SOBP: variants seen among roughly 807,000 people sequenced by gnomAD.
SOBP encodes sine oculis binding protein homolog.
A neutral mutation model predicts 53.6 loss-of-function variants in SOBP; 4 were observed. The observed-to-expected ratio is 0.07, with a 90% confidence interval of 0.04 to 0.17. SOBP has a LOEUF of 0.17. SOBP is among the 10% of genes least tolerant of loss of function. The pLI is 1.00. For synonymous variants in SOBP, 584 were observed against 522.6 expected, an observed-to-expected ratio of 1.12 and a Z score of -1.60; for missense variants, 1,088 against 1,204.7, an observed-to-expected ratio of 0.90 and a Z score of 1.43.
At chr6:107,617,364 G>A (rs970688082) in intron 5 of SOBP, among the ~76,000 whole-genome samples, 4 of 152,162 alleles carry the variant, frequency 2.6e-5, no homozygotes, top group African/African-American at 9.7e-5. Context: ...CATGAGGAAT[G>A]TGTGAGTGTG....
intron 4 of SOBP, among the ~76,000 whole-genome samples, chr6:107,568,976 G>A (rs933805873): frequency 2.0e-5 from 3 of 152,186 alleles, no homozygotes. Context: ...GATTGGAAGT[G>A]AGAAAGAATT....
At chr6:107,606,653 C>T (rs1313790039) in intron 5 of SOBP, among the ~76,000 whole-genome samples, 2 of 152,124 alleles carry the variant, frequency 1.3e-5, no homozygotes, top group Non-Finnish European at 2.9e-5. Flanking sequence ...GTTTAATCCC[C>T]GGAAGGAAAA....
intron 6 of SOBP, among the ~76,000 whole-genome samples, chr6:107,644,702 A>T (rs1437400035): frequency 6.6e-6 from 1 of 152,212 alleles, no homozygotes; most frequent in South Asian, 2.1e-4. Flanking sequence ...TTGGACATCT[A>T]ATAGCTCTTA....
At chr6:107,648,868 A>T (rs976331720) in intron 6 of SOBP, among the ~76,000 whole-genome samples, 3 of 152,190 alleles carry the variant, frequency 2.0e-5, no homozygotes, top group African/African-American at 7.2e-5. Flanking sequence ...GTATATAAAA[A>T]TGCCTGGTGC....
chr6:107,570,015 T>C (rs919775210), intron 4 of SOBP, among the ~76,000 whole-genome samples: 1 of 152,184 alleles, frequency 6.6e-6, no homozygotes, highest in Non-Finnish European at 1.5e-5. Flanking sequence ...AGGGTCTCAG[T>C]TGCCCTTCCA....
intron 5 of SOBP, among the ~76,000 whole-genome samples, chr6:107,604,786 C>A (rs1786310202): frequency 6.6e-6 from 1 of 152,196 alleles, no homozygotes. Flanking sequence ...CAAATTGTGT[C>A]AGCACCTTGG....
At chr6:107,579,619 G>A (rs1208562692) in intron 4 of SOBP, among the ~76,000 whole-genome samples, 7 of 152,138 alleles carry the variant, frequency 4.6e-5, no homozygotes, top group Non-Finnish European at 7.4e-5. Flanking sequence ...AGTAAAGGCA[G>A]CCATTAATCA....
rs747900786 is a variant in SOBP at position 107,634,383 on chromosome 6, G to A, written c.1539G>A (p.Ser513=). Residue 513 remains serine, a synonymous_variant, in exon 6 of 7, where the codon TCG becomes TCA. Transcript: ENST00000317357. This position sits in a 1 kb window ranked among gnomAD's most constrained non-coding sequence, Gnocchi z 4.5. ...VPQMMNFGLP[S]LAPLVPPPTL... Reference sequence around the variant, plus strand: ...AGATGATGAATTTCGGGCTGCCGTCGCTTGCCCCGCTGGTGCCGCCCCCGA... The same window carrying A: ...AGATGATGAATTTCGGGCTGCCGTCACTTGCCCCGCTGGTGCCGCCCCCGA... The A allele has an allele frequency of 1.9e-6, 3 of 1,597,252 alleles. No individual in the cohort carries two copies. Among genetic ancestry groups the A allele is most frequent in the Admixed American group, 3.4e-5 (2 of 59,586 alleles).
At chr6:107,651,158 T>C (rs1297239239) in intron 6 of SOBP, among the ~76,000 whole-genome samples, 1 of 152,132 alleles carries the variant, frequency 6.6e-6, no homozygotes, top group East Asian at 1.9e-4. Context: ...TCCCAATTAC[T>C]CAGGAGGCTG....
chr6:107,585,035 G>A (rs1785523776), intron 4 of SOBP, among the ~76,000 whole-genome samples: 2 of 152,216 alleles, frequency 1.3e-5, no homozygotes, highest in Admixed American at 6.5e-5. Context: ...TATATGCAAA[G>A]TGTGTTTCCA....
Position 107,533,527 on chromosome 6 carries a change from C to G in SOBP, c.490C>G (p.Leu164Val). ...CQKVGIKRYS[L>V]SMGSEVKSFC... ...GAAAGTGGGAATCAAGCGCTATTCC[C>G]TGAGTATGGGAAGTGAGGTGAAAAG... The change falls in exon 4 of 7, where the codon CTG (leucine) becomes GTG (valine). Residue 164 changes from leucine (L) to valine (V), a missense_variant. Around this residue, in one of 6 missense-constraint regions of SOBP, gnomAD observed 55 missense variants for 134.3 expected, o/e 0.41. Coordinates refer to ENST00000317357, the MANE Select transcript of SOBP (RefSeq NM_018013.4). The G allele has an allele frequency of 6.2e-7, 1 of 1,614,054 alleles. No homozygotes were observed. The highest frequency in any genetic ancestry group is 8.5e-7 in the Non-Finnish European group (1 of 1,179,982).
At chr6:107,491,754 GAA>G (rs1333204767) in intron 1 of SOBP, among the ~76,000 whole-genome samples, 1 of 152,194 alleles carries the variant, frequency 6.6e-6, no homozygotes, top group Non-Finnish European at 1.5e-5. Context: ...TCTTCTGCAT[GAA>G]ATCCTTAATA....
chr6:107,611,967 C>A (rs1786616167), intron 5 of SOBP, among the ~76,000 whole-genome samples: 2 of 152,182 alleles, frequency 1.3e-5, no homozygotes, highest in Admixed American at 1.3e-4. Context: ...ATCCTCTATA[C>A]CTTTCATGAA....
chr6:107,556,420 T>TA (rs1287645764), intron 4 of SOBP, among the ~76,000 whole-genome samples: 1 of 152,230 alleles, frequency 6.6e-6, no homozygotes, highest in Non-Finnish European at 1.5e-5. Context: ...CAAATCAGCT[T>TA]ACCTGAAATC....
intron 6 of SOBP, among the ~76,000 whole-genome samples, chr6:107,644,454 A>G (rs1255338322): frequency 3.9e-5 from 6 of 152,236 alleles, no homozygotes; most frequent in African/African-American, 1.2e-4. Context: ...GCCTTCAGCC[A>G]TCTTGGAAGC....
intron 4 of SOBP, among the ~76,000 whole-genome samples, chr6:107,535,030 T>G (rs2114990079): frequency 6.6e-6 from 1 of 152,326 alleles, no homozygotes; most frequent in Non-Finnish European, 1.5e-5. Flanking sequence ...ATACTTTGCA[T>G]TCCAATCCAG....
intron 4 of SOBP, among the ~76,000 whole-genome samples, chr6:107,582,862 C>G (rs1412466523): frequency 2.0e-5 from 3 of 152,174 alleles, no homozygotes; most frequent in African/African-American, 7.2e-5. Flanking sequence ...GGTCCACTCT[C>G]AAGAGGCAAT....
rs184102619 is a variant in SOBP at position 107,636,611 on chromosome 6, A to C, written c.*3+1142A>C. Among the ~76,000 whole-genome samples, 184 of 152,306 alleles carry C rather than the reference A, an allele frequency of 1.2e-3. 2 individuals are homozygous for C. Among genetic ancestry groups the C allele is most frequent in the Admixed American group, 5.9e-3 (90 of 15,304 alleles). ...ATTCAGTTGAGTTTATCAACTTCTT[A>C]TGGAGAGGAAGAGGAGAGATGAGCA... On this transcript the variant is annotated intron_variant, in intron 6 of 6. Transcript: ENST00000317357.
At chr6:107,620,475 C>G (rs947029787) in intron 5 of SOBP, among the ~76,000 whole-genome samples, 4 of 152,214 alleles carry the variant, frequency 2.6e-5, no homozygotes, top group Admixed American at 1.3e-4. Flanking sequence ...AGAGCCCACA[C>G]CAACATCTTC....
Sources: allele counts gnomAD v4.1 joint callset (sites outside exome capture counted in the v4.1 genomes callset), GRCh38; gene constraint gnomAD v4.1.1; regional missense constraint gnomAD v4.1.1; non-coding constraint Gnocchi (gnomAD v3.1); transcripts MANE v1.5; gene names NCBI Gene and HGNC (gene_info 2026-07-23, HGNC 2026-07-21).